The following NKAIN3 variants were observed in gnomAD, a reference collection of about 807,000 sequenced individuals.
NKAIN3 encodes sodium/potassium transporting ATPase interacting 3, also known as sodium/potassium-transporting ATPase subunit beta-1-interacting protein 3.
A neutral mutation model predicts 30.2 loss-of-function variants in NKAIN3; 25 were observed. The observed-to-expected ratio is 0.83, with a 90% CI of 0.60 to 1.16. The LOEUF (loss-of-function observed/expected upper bound fraction) is 1.16, where lower values mean the gene tolerates loss of function less well. Among genes scored for constraint, NKAIN3 ranks in the 50% most tolerant of loss-of-function variants. NKAIN3 has a pLI of 0.00. For synonymous variants in NKAIN3, 91 were observed against 89.6 expected, an observed-to-expected ratio of 1.02 and a Z score of -0.09; for missense variants, 225 against 254.1, an observed-to-expected ratio of 0.89 and a Z score of 0.78.
At chr8:62,867,686 C>T (rs10957249) in intron 4 of NKAIN3, among the ~76,000 whole-genome samples, 26,235 of 152,214 alleles carry the variant, frequency 0.17, 3,169 homozygotes, top group African/African-American at 0.33. Flanking sequence ...CATACTAAAA[C>T]GCACTGCCCA....
At chr8:62,846,959 T>C (rs1239236785) in intron 4 of NKAIN3, among the ~76,000 whole-genome samples, 1 of 152,128 alleles carries the variant, frequency 6.6e-6, no homozygotes, top group Non-Finnish European at 1.5e-5. Flanking sequence ...GTGAGACTTA[T>C]TCACTACCAT....
At chr8:62,575,187 T>A (rs959514355) in intron 1 of NKAIN3, among the ~76,000 whole-genome samples, 8 of 152,134 alleles carry the variant, frequency 5.3e-5, no homozygotes, top group African/African-American at 1.7e-4. Flanking sequence ...ATTAGCCTTG[T>A]TTGCAGATGA....
At chr8:62,484,289 T>C (rs1806831764) in intron 1 of NKAIN3, among the ~76,000 whole-genome samples, 1 of 152,204 alleles carries the variant, frequency 6.6e-6, no homozygotes, top group African/African-American at 2.4e-5. Context: ...CCAGGATGTC[T>C]CGCCCCCAGG....
chr8:62,579,844 T>TA (rs1810237490), intron 2 of NKAIN3, among the ~76,000 whole-genome samples, 168 bp downstream of exon 2: 1 of 152,142 alleles, frequency 6.6e-6, no homozygotes, highest in Admixed American at 6.6e-5. Flanking sequence ...AAATACAAAA[T>TA]AATGAATGTT....
intron 1 of NKAIN3, among the ~76,000 whole-genome samples, chr8:62,390,123 G>C (rs183453849): frequency 9.5e-4 from 144 of 152,022 alleles, no homozygotes; most frequent in African/African-American, 3.4e-3. Context: ...GGGGTTTTTT[G>C]TGCAATTATT....
At chr8:62,752,645 C>G (rs1186890731) in intron 4 of NKAIN3, among the ~76,000 whole-genome samples, 1 of 152,178 alleles carries the variant, frequency 6.6e-6, no homozygotes, top group African/African-American at 2.4e-5. Flanking sequence ...AGTAGCCTGT[C>G]AACAGCCAGT....
rs1821245228 is a variant in NKAIN3, at chr8:62,889,654, G to A, written c.472-28799G>A. The stretch of plus-strand genomic sequence containing the variant: ...ATATTTTTTCTGGTTCTTGTAAGTT[G>A]AGAAAAACTAGTTAGGTAATGTTTC... On this transcript the variant is annotated intron_variant, in intron 4 of 6. Coordinates refer to ENST00000623646, the MANE Select transcript of NKAIN3 (RefSeq NM_001304533.3). 2.0e-5 allele frequency among the ~76,000 whole-genome samples: 3 copies of A among 152,258 alleles called. No homozygotes were observed. The South Asian group carries it at 6.2e-4, about 32-fold the overall frequency.
intron 3 of NKAIN3, among the ~76,000 whole-genome samples, chr8:62,686,523 T>C (rs1260891762): frequency 6.6e-6 from 1 of 152,196 alleles, no homozygotes; most frequent in Non-Finnish European, 1.5e-5. Context: ...AGCAAACCAT[T>C]ACCTTCTGGG....
chr8:62,570,001 G>A (rs1962676), intron 1 of NKAIN3, among the ~76,000 whole-genome samples: 2,075 of 152,234 alleles, frequency 0.014, 42 homozygotes, highest in African/African-American at 0.043. Context: ...TGAAAGTATC[G>A]TTTGATCAAA....
rs1329493510 is a variant in NKAIN3 at position 62,975,291 on chromosome 8, G to A, written c.*9884G>A. Among the ~76,000 whole-genome samples, 2 of 151,838 alleles carry A rather than the reference G, an allele frequency of 1.3e-5. No individual in the cohort carries two copies. The highest frequency in any genetic ancestry group is 2.9e-5 in the Non-Finnish European group (2 of 67,942). On this transcript the variant is annotated 3_prime_UTR_variant, in exon 7 of 7. Coordinates refer to ENST00000623646, the MANE Select transcript of NKAIN3 (RefSeq NM_001304533.3). The stretch of plus-strand genomic sequence containing the variant: ...TTCAGCTATGAGTCCATCTGGTCCT[G>A]GGCTTTTTTTTTTAGTTGGTCAGCT...
chr8:62,515,707 G>C (rs1807965310), intron 1 of NKAIN3, among the ~76,000 whole-genome samples: 1 of 152,008 alleles, frequency 6.6e-6, no homozygotes, highest in Non-Finnish European at 1.5e-5. Context: ...AATCCACTAG[G>C]GTTTCTGTTT....
intron 1 of NKAIN3, among the ~76,000 whole-genome samples, chr8:62,279,166 T>G (rs1347943557): frequency 6.6e-6 from 1 of 152,256 alleles, no homozygotes. Context: ...GTTGGCTGCA[T>G]AAATGTCTTC....
Position 62,525,074 on chromosome 8 carries a change from A to G in NKAIN3, c.55-54465A>G, listed in dbSNP as rs566317405. ...TTGAAGGGTAAATGATTTCATATAA[A>G]TTTCTTCAATTAGCAACAGCTTTAT... On this transcript the variant is annotated intron_variant, in intron 1 of 6. Transcript: ENST00000623646. Among the ~76,000 whole-genome samples the G allele has an allele frequency of 6.6e-5, 10 of 152,138 alleles. No individual in the cohort carries two copies. The South Asian group carries it at 2.1e-3, about 32-fold the overall frequency.
At chr8:62,996,566 T>G (rs1164225714) in intron 5 of NKAIN3, among the ~76,000 whole-genome samples, 1 of 152,142 alleles carries the variant, frequency 6.6e-6, no homozygotes, top group African/African-American at 2.4e-5. Flanking sequence ...CATTCCAGCA[T>G]TATCACAAAA....
At chr8:62,942,271 C>CAT (rs1204728105) in intron 5 of NKAIN3, among the ~76,000 whole-genome samples, 10 of 92,704 alleles carry the variant, frequency 1.1e-4, no homozygotes, top group South Asian at 7.6e-4. Context: ...CATATATATA[C>CAT]ATATATATAT....
At chr8:62,454,704 C>T (rs1805760087) in intron 1 of NKAIN3, among the ~76,000 whole-genome samples, 2 of 152,114 alleles carry the variant, frequency 1.3e-5, no homozygotes, top group Admixed American at 1.3e-4. Flanking sequence ...AAACCATGAG[C>T]TTTCTCATAT....
At chr8:62,572,084 A>G (rs978876552) in intron 1 of NKAIN3, among the ~76,000 whole-genome samples, 2 of 152,108 alleles carry the variant, frequency 1.3e-5, no homozygotes, top group African/African-American at 4.8e-5. Context: ...TTGCCTCGTC[A>G]GGCTGCAAAT....
chr8:62,392,332 A>C (rs1341497909), intron 1 of NKAIN3, among the ~76,000 whole-genome samples: 1 of 152,062 alleles, frequency 6.6e-6, no homozygotes, highest in African/African-American at 2.4e-5. Flanking sequence ...TATAAACTTT[A>C]AAAAATGTGT....
chr8:62,291,764 A>T (rs1014870858), intron 1 of NKAIN3, among the ~76,000 whole-genome samples: 1 of 152,176 alleles, frequency 6.6e-6, no homozygotes, highest in Non-Finnish European at 1.5e-5. Flanking sequence ...TGCATGGTGC[A>T]GAGCTGAGTT....
Sources: gnomAD v4.1 joint callset for allele counts (sites outside exome capture counted in the v4.1 genomes callset) on GRCh38, gnomAD v4.1.1 for gene constraint, MANE v1.5 for transcripts, NCBI Gene and HGNC (gene_info 2026-07-23, HGNC 2026-07-21) for gene names.